The following OPCML variants were observed in gnomAD, a reference collection of about 807,000 sequenced individuals.
The protein encoded by OPCML is opioid binding protein/cell adhesion molecule like, also known as opioid-binding protein/cell adhesion molecule.
In OPCML, 13 loss-of-function variants were observed where a neutral mutation model predicts 37.8. The ratio of observed to expected loss-of-function variants is 0.34; its 90% CI spans 0.22 to 0.55. OPCML has a LOEUF of 0.55. Ranked by LOEUF, OPCML falls within the 20% of genes least tolerant of loss-of-function variation. OPCML has a pLI of 0.91. For synonymous variants in OPCML, 176 were observed against 168.8 expected (o/e 1.04, Z -0.33); for missense variants, 341 against 435.6 (o/e 0.78, Z 1.93).
intron 1 of OPCML, among the ~76,000 whole-genome samples, chr11:132,987,339 C>T (rs1946698544): frequency 6.6e-6 from 1 of 152,144 alleles, no homozygotes; most frequent in Non-Finnish European, 1.5e-5. Context: ...AGGGGAGAAG[C>T]TTTCATGTAG....
chr11:133,487,503 A>G (rs1460512492), intron 1 of OPCML, among the ~76,000 whole-genome samples: 1 of 152,096 alleles, frequency 6.6e-6, no homozygotes, highest in Non-Finnish European at 1.5e-5. Context: ...CTTCCTCTCA[A>G]TTATGTTCTA....
rs140970858 is a variant in OPCML at position 132,838,452 on chromosome 11, G to A, written c.146+104474C>T. On this transcript the variant is annotated intron_variant, in intron 2 of 7. Coordinates refer to ENST00000524381, the MANE Select transcript of OPCML (RefSeq NM_001012393.5). ...AAGCAGACATTTGGCCTGGATAAAT[G>A]ACACAGATCCTGCCTACAAGTAATT... 2.4e-3 allele frequency among the ~76,000 whole-genome samples: 359 copies of A among 152,256 alleles called. 1 individual carries two copies. The highest frequency in any genetic ancestry group is 8.3e-3 in the African/African-American group (346 of 41,534).
chr11:132,503,758 G>T (rs866345988), intron 4 of OPCML, among the ~76,000 whole-genome samples: 95 of 152,054 alleles, frequency 6.2e-4, no homozygotes, highest in African/African-American at 2.3e-3. Flanking sequence ...ATATTTTTCA[G>T]AAATTTAGCC....
intron 3 of OPCML, among the ~76,000 whole-genome samples, chr11:132,618,123 G>A (rs200948803): frequency 6.6e-6 from 1 of 152,202 alleles, no homozygotes; most frequent in East Asian, 1.9e-4. Flanking sequence ...TGGAAGTGCT[G>A]CCACCTTCAA....
At chr11:132,469,422 T>C (rs1214141124) in intron 4 of OPCML, among the ~76,000 whole-genome samples, 2 of 151,236 alleles carry the variant, frequency 1.3e-5, no homozygotes, top group Non-Finnish European at 3.0e-5. Context: ...TGCGTGTGTA[T>C]GTGTGTATGT....
chr11:132,978,071 G>A (rs1322553214), intron 1 of OPCML, among the ~76,000 whole-genome samples: 2 of 152,160 alleles, frequency 1.3e-5, no homozygotes, highest in Non-Finnish European at 2.9e-5. Context: ...TTGAGAAACT[G>A]GTGGAGGCAG....
At chr11:132,438,251 C>T (rs1172510618) in intron 4 of OPCML, among the ~76,000 whole-genome samples, 1 of 152,222 alleles carries the variant, frequency 6.6e-6, no homozygotes, top group Admixed American at 6.5e-5. Flanking sequence ...CTCTGTCTTC[C>T]ATCACAAATG....
At chr11:133,251,170 A>G (rs1592141574) in intron 1 of OPCML, among the ~76,000 whole-genome samples, 1 of 152,156 alleles carries the variant, frequency 6.6e-6, no homozygotes, top group African/African-American at 2.4e-5. Flanking sequence ...AAAAGTAGGA[A>G]CCTTCAAGGG....
intron 1 of OPCML, among the ~76,000 whole-genome samples, chr11:132,988,619 T>A (rs1343715208): frequency 6.6e-6 from 1 of 152,196 alleles, no homozygotes; most frequent in Non-Finnish European, 1.5e-5. Flanking sequence ...CCCCTTGGAA[T>A]GCACTAATGA....
intron 7 of OPCML, among the ~76,000 whole-genome samples, chr11:132,434,038 G>C (rs528643201): frequency 1.3e-5 from 2 of 152,310 alleles, no homozygotes; most frequent in South Asian, 4.1e-4. Context: ...AGAGAGACAA[G>C]AAGGGCCATT....
chr11:133,282,270 G>A (rs1468025832), intron 1 of OPCML, among the ~76,000 whole-genome samples: 2 of 152,160 alleles, frequency 1.3e-5, no homozygotes, highest in African/African-American at 2.4e-5. Flanking sequence ...AGACCCCACT[G>A]TCCTGAGCAA....
intron 2 of OPCML, among the ~76,000 whole-genome samples, chr11:132,881,463 G>A (rs1453882859): frequency 6.6e-6 from 1 of 152,190 alleles, no homozygotes; most frequent in African/African-American, 2.4e-5. Flanking sequence ...GCTGGCAGGA[G>A]GCCTGCTGAC....
At chr11:132,517,319 A>G (rs2137222582) in intron 4 of OPCML, among the ~76,000 whole-genome samples, 1 of 152,294 alleles carries the variant, frequency 6.6e-6, no homozygotes, top group East Asian at 1.9e-4. Context: ...GGGAACACCA[A>G]GGGTGGTAGG....
chr11:132,679,687 C>G (rs1483032493), intron 2 of OPCML, among the ~76,000 whole-genome samples: 1 of 151,880 alleles, frequency 6.6e-6, no homozygotes, highest in East Asian at 1.9e-4. Flanking sequence ...GATAGTTGTA[C>G]AACTCTGCAA....
intron 7 of OPCML, among the ~76,000 whole-genome samples, chr11:132,433,172 T>G (rs1257522491): frequency 6.6e-6 from 1 of 152,164 alleles, no homozygotes; most frequent in Non-Finnish European, 1.5e-5. Flanking sequence ...GAGCAGTGAC[T>G]CTGGCAGGCA....
At chr11:133,513,753 C>T (rs1344352582) in intron 1 of OPCML, among the ~76,000 whole-genome samples, 1 of 152,142 alleles carries the variant, frequency 6.6e-6, no homozygotes, top group Non-Finnish European at 1.5e-5. Flanking sequence ...GCATAATGAC[C>T]TTGTAGAATT....
At chr11:132,806,825 C>T (rs1939039373) in intron 2 of OPCML, among the ~76,000 whole-genome samples, 1 of 152,146 alleles carries the variant, frequency 6.6e-6, no homozygotes, top group African/African-American at 2.4e-5. Flanking sequence ...TGTATATAAG[C>T]TATTCACCAA....
At chr11:132,597,511 AC>A (rs1294887619) in intron 3 of OPCML, among the ~76,000 whole-genome samples, 1 of 152,228 alleles carries the variant, frequency 6.6e-6, no homozygotes, top group Non-Finnish European at 1.5e-5. Context: ...CAGATGCAAG[AC>A]AAATGAAAGG....
At chr11:133,462,973 T>C (rs1483745045) in intron 1 of OPCML, among the ~76,000 whole-genome samples, 1 of 152,018 alleles carries the variant, frequency 6.6e-6, no homozygotes, top group Admixed American at 6.6e-5. Flanking sequence ...AAATGTGATA[T>C]GTACACACAA....
Sources: allele counts gnomAD v4.1 joint callset (sites outside exome capture counted in the v4.1 genomes callset), GRCh38; gene constraint gnomAD v4.1.1; transcripts MANE v1.5; gene names NCBI Gene and HGNC (gene_info 2026-07-23, HGNC 2026-07-21).